Variants in PTPRD observed in about 807,000 individuals in gnomAD.
The protein encoded by PTPRD is protein tyrosine phosphatase receptor type D.
In PTPRD, 34 loss-of-function variants were observed where a neutral mutation model predicts 214.5. The observed-to-expected ratio is 0.16, with a 90% CI of 0.12 to 0.21. PTPRD has a LOEUF of 0.21. Ranked by LOEUF, PTPRD falls within the 10% of genes least tolerant of loss-of-function variation. The pLI, the probability that PTPRD is intolerant of heterozygous loss-of-function variation, is 1.00. For missense variants in PTPRD, 2,545 were observed against 2,398.7 expected (o/e 1.06, Z -1.27); for synonymous variants, 1,128 against 845.7 (o/e 1.33, Z -5.79).
chr9:9,028,997 C>T (rs2099596138), intron 10 of PTPRD, among the ~76,000 whole-genome samples: 1 of 151,840 alleles, frequency 6.6e-6, no homozygotes, highest in South Asian at 2.1e-4. Context: ...TCACATATGG[C>T]TACAGAGCAC....
In PTPRD at chr9:9,489,705, T is replaced by C. The variant is rs79723009; in HGVS notation, c.-237+85027A>G. Among the ~76,000 whole-genome samples the C allele has an allele frequency of 2.9e-3, 448 of 152,116 alleles. 4 individuals are homozygous for C. Among genetic ancestry groups the C allele is most frequent in the African/African-American group, 0.01 (416 of 41,514 alleles). ...CAAACTTGAAATAGGACAAAAAATA[T>C]CACTGAGTCTTTAAATTAGAAAGGG... is the stretch of plus-strand genomic sequence containing the variant. On this transcript the variant is annotated intron_variant, in intron 8 of 45. Transcript: ENST00000381196.
chr9:9,271,340 G>T (rs1301765679), intron 9 of PTPRD, among the ~76,000 whole-genome samples: 3 of 148,858 alleles, frequency 2.0e-5, no homozygotes, highest in Non-Finnish European at 3.0e-5. Context: ...GGTATAATTT[G>T]GAAAAGTACG....
At chr9:8,790,110 G>C (rs192041889) in intron 11 of PTPRD, among the ~76,000 whole-genome samples, 1 of 151,876 alleles carries the variant, frequency 6.6e-6, no homozygotes, top group Non-Finnish European at 1.5e-5. Flanking sequence ...TCAAACTCTT[G>C]GGCTCAAGCA....
chr9:9,833,632 G>A (rs1599128951), intron 5 of PTPRD, among the ~76,000 whole-genome samples: 1 of 94,548 alleles, frequency 1.1e-5, no homozygotes, highest in African/African-American at 4.8e-5. Context: ...GGAGACTGGA[G>A]TTTATTTCAC....
intron 39 of PTPRD, among the ~76,000 whole-genome samples, chr9:8,352,034 A>G (rs2075636432): frequency 6.6e-6 from 1 of 151,870 alleles, no homozygotes; most frequent in African/African-American, 2.4e-5. Context: ...CTAAAAAACC[A>G]AAACTCCGTC....
chr9:10,295,688 C>A (rs7022479), intron 3 of PTPRD, among the ~76,000 whole-genome samples: 29,218 of 151,946 alleles, frequency 0.19, 3,524 homozygotes, highest in African/African-American at 0.33. Context: ...CTTTACATGG[C>A]AAAAGGAATT....
chr9:8,809,523 A>C (rs1018859808), intron 11 of PTPRD, among the ~76,000 whole-genome samples: 1 of 152,152 alleles, frequency 6.6e-6, no homozygotes, highest in African/African-American at 2.4e-5. Flanking sequence ...GAAATCTGTA[A>C]AACTCTCAGC....
chr9:9,137,873 A>C (rs2099853445), intron 10 of PTPRD, among the ~76,000 whole-genome samples: 1 of 152,192 alleles, frequency 6.6e-6, no homozygotes, highest in African/African-American at 2.4e-5. Flanking sequence ...TCAGGTCTAA[A>C]TAATATCATC....
At chr9:9,367,997 C>A (rs1026227738) in intron 9 of PTPRD, among the ~76,000 whole-genome samples, 1 of 151,710 alleles carries the variant, frequency 6.6e-6, no homozygotes, top group Non-Finnish European at 1.5e-5. Context: ...GTAAGGACAG[C>A]TCAGTCTGGC....
chr9:10,444,107 T>A (rs968140559), intron 2 of PTPRD, among the ~76,000 whole-genome samples: 1 of 151,722 alleles, frequency 6.6e-6, no homozygotes, highest in African/African-American at 2.4e-5. Context: ...TACATTTCTG[T>A]TGTAGCTGCC....
chr9:9,913,344 T>C (rs1031010010), intron 5 of PTPRD, among the ~76,000 whole-genome samples: 3 of 151,952 alleles, frequency 2.0e-5, no homozygotes, highest in Non-Finnish European at 2.9e-5. Flanking sequence ...AGAATAGTGA[T>C]AAATACATGC....
intron 6 of PTPRD, among the ~76,000 whole-genome samples, chr9:9,755,514 G>A (rs1437222029): frequency 1.3e-5 from 2 of 151,978 alleles, no homozygotes; most frequent in Non-Finnish European, 2.9e-5. Context: ...TCTGCTTAAG[G>A]TTCACAATCA....
At chr9:9,604,698 T>A (rs896468718) in intron 7 of PTPRD, among the ~76,000 whole-genome samples, 5 of 152,074 alleles carry the variant, frequency 3.3e-5, no homozygotes, top group African/African-American at 1.2e-4. Flanking sequence ...TTAAACCATA[T>A]CTATATGTAT....
At chr9:10,602,016 T>C (rs2078094803) in intron 2 of PTPRD, among the ~76,000 whole-genome samples, 1 of 151,822 alleles carries the variant, frequency 6.6e-6, no homozygotes, top group South Asian at 2.1e-4. Context: ...GGAAGAGATT[T>C]GGTGCTCATG....
chr9:8,865,618 T>G (rs1269282061), intron 11 of PTPRD, among the ~76,000 whole-genome samples: 1 of 152,110 alleles, frequency 6.6e-6, no homozygotes, highest in Non-Finnish European at 1.5e-5. Context: ...TTCACCCTAT[T>G]AAATTGTGAG....
chr9:8,880,750 T>C (rs1240319523), intron 11 of PTPRD, among the ~76,000 whole-genome samples: 1 of 152,154 alleles, frequency 6.6e-6, no homozygotes, highest in Non-Finnish European at 1.5e-5. Context: ...TTAATGTAGT[T>C]GGTTTCATTT....
At chr9:8,543,714 T>C (rs2079080220) in intron 14 of PTPRD, among the ~76,000 whole-genome samples, 1 of 152,140 alleles carries the variant, frequency 6.6e-6, no homozygotes, top group Admixed American at 6.5e-5. Context: ...ACATTTTCTT[T>C]TCCTTTTTTT....
At chr9:8,402,359 G>A (rs2092501163) in intron 36 of PTPRD, among the ~76,000 whole-genome samples, 1 of 152,094 alleles carries the variant, frequency 6.6e-6, no homozygotes, top group South Asian at 2.1e-4. Context: ...AAAGATACAA[G>A]GAGGTATAGT....
chr9:8,840,203 TC>T (rs936033402), intron 11 of PTPRD, among the ~76,000 whole-genome samples: 18 of 152,196 alleles, frequency 1.2e-4, no homozygotes, highest in African/African-American at 4.3e-4. Context: ...TTTGGCTATG[TC>T]CCCACCCAAA....
Sources: allele counts gnomAD v4.1 joint callset (sites outside exome capture counted in the v4.1 genomes callset), GRCh38; gene constraint gnomAD v4.1.1; transcripts MANE v1.5; gene names NCBI Gene and HGNC (gene_info 2026-07-23, HGNC 2026-07-21).